The following SDK1 variants were observed in gnomAD, a reference collection of about 807,000 sequenced individuals.
SDK1 encodes sidekick cell adhesion molecule 1, also known as protein sidekick-1.
SDK1 carries 157 observed loss-of-function variants against 245.5 expected under a neutral mutation model. The observed-to-expected ratio is 0.64, with a 90% confidence interval of 0.56 to 0.73. The LOEUF (loss-of-function observed/expected upper bound fraction) is 0.73, where lower values mean the gene tolerates loss of function less well. Ranked by LOEUF, SDK1 falls within the 30% of genes least tolerant of loss-of-function variation. The pLI is 0.00. For missense variants in SDK1, 3,583 were observed against 3,002.3 expected, an observed-to-expected ratio of 1.19 and a Z score of -4.52; for synonymous variants, 1,647 against 1,278.5, an observed-to-expected ratio of 1.29 and a Z score of -6.15.
intron 17 of SDK1, among the ~76,000 whole-genome samples, chr7:4,019,382 T>C (rs79403629): frequency 6.6e-6 from 1 of 152,098 alleles, no homozygotes; most frequent in Non-Finnish European, 1.5e-5. Flanking sequence ...CAGTAGGACT[T>C]GAGATTTCAG....
chr7:4,227,040 G>A (rs1785489277), intron 40 of SDK1: 1 of 200,096 alleles, frequency 5.0e-6, no homozygotes, highest in Non-Finnish European at 1.0e-5. Flanking sequence ...CCGGAGGCCT[G>A]GACTGCTGTC....
intron 5 of SDK1, among the ~76,000 whole-genome samples, chr7:3,933,264 C>G (rs185375624): frequency 6.6e-5 from 10 of 151,750 alleles, no homozygotes; most frequent in African/African-American, 2.2e-4. Flanking sequence ...GCTTGCACCA[C>G]CACTCCCAGC....
intron 4 of SDK1, among the ~76,000 whole-genome samples, chr7:3,799,360 A>G (rs370698461): frequency 4.0e-5 from 6 of 151,476 alleles, no homozygotes; most frequent in Non-Finnish European, 5.9e-5. Flanking sequence ...GGCCCCTTCT[A>G]AGTTATTCAC....
chr7:3,852,770 AAAAAAAT>A lies in SDK1; in HGVS notation c.847+31188_847+31194del, dbSNP rs1355430080. ...CGTCTCAAAAAAAAAAAAAAAAAAA[AAAAAAAT>A]TTTTTTCCTTGAAATTTGCTTTTAA... On this transcript the variant is annotated intron_variant, in intron 5 of 44. Transcript: ENST00000404826. Among the ~76,000 whole-genome samples the A allele has an allele frequency of 9.3e-3, 1,412 of 151,108 alleles. 15 individuals carry two copies. The highest frequency in any genetic ancestry group is 0.016 in the Non-Finnish European group (1,065 of 67,690).
intron 4 of SDK1, among the ~76,000 whole-genome samples, chr7:3,656,504 G>A (rs545564126): frequency 2.0e-5 from 3 of 152,218 alleles, no homozygotes; most frequent in Non-Finnish European, 4.4e-5. Flanking sequence ...ACTCTAAGGG[G>A]GTACTGCTGG....
intron 1 of SDK1, among the ~76,000 whole-genome samples, chr7:3,583,066 G>T (rs1055855604): frequency 3.3e-5 from 5 of 152,214 alleles, no homozygotes; most frequent in African/African-American, 1.2e-4. Context: ...GTAGGGATGG[G>T]AGTAAAAGCA....
rs1047999924 is a variant in SDK1, at chr7:3,747,951, T to C, written c.714-73499T>C. 1.1e-4 allele frequency among the ~76,000 whole-genome samples: 16 copies of C among 152,084 alleles called. 1 individual carries two copies. Among genetic ancestry groups the C allele is most frequent in the Non-Finnish European group, 2.9e-5 (2 of 68,022 alleles). On this transcript the variant is annotated intron_variant, in intron 4 of 44. Transcript: ENST00000404826. Reference sequence around the variant, plus strand: ...AAATCTAAGATTTTAGCCAGGAAACTGATACGAAAAATAATGTTTTCAAGG... The same window carrying C: ...AAATCTAAGATTTTAGCCAGGAAACCGATACGAAAAATAATGTTTTCAAGG...
At position 4,068,274 on chromosome 7, in the gene SDK1, C is replaced by T. The variant is rs148723921; in HGVS notation, c.3010+338C>T. Among the ~76,000 whole-genome samples, 20 of 152,322 alleles carry T rather than the reference C, an allele frequency of 1.3e-4. No individual in the cohort carries two copies. In the East Asian group the frequency reaches 2.5e-3, roughly 19 times the overall value. On this transcript the variant is annotated intron_variant, in intron 20 of 44. Coordinates refer to ENST00000404826, the MANE Select transcript of SDK1 (RefSeq NM_152744.4). ...ACATGCGTGTGTCTTGCTTAATTCT[C>T]ATAGCAGCATGGTAAGGTCAATATC...
chr7:3,684,154 G>C (rs930201), intron 4 of SDK1, among the ~76,000 whole-genome samples: 125,377 of 152,188 alleles, frequency 0.82, 51,795 homozygotes, highest in Non-Finnish European at 0.85. Context: ...CCTGCAACCC[G>C]TGCAGTCTCA....
At chr7:3,451,406 A>C (rs1780510101) in intron 1 of SDK1, among the ~76,000 whole-genome samples, 1 of 152,040 alleles carries the variant, frequency 6.6e-6, no homozygotes, top group African/African-American at 2.4e-5. Flanking sequence ...TTGTTTGTGA[A>C]TTAAAGGGTA....
intron 32 of SDK1, among the ~76,000 whole-genome samples, chr7:4,172,774 G>A (rs1431318233): frequency 6.6e-6 from 1 of 152,042 alleles, no homozygotes; most frequent in Non-Finnish European, 1.5e-5. Flanking sequence ...GACAACTCTT[G>A]GCGTTTTTCA....
intron 5 of SDK1, among the ~76,000 whole-genome samples, chr7:3,884,348 C>T (rs1299376127): frequency 2.0e-5 from 3 of 152,006 alleles, no homozygotes; most frequent in Non-Finnish European, 2.9e-5. Flanking sequence ...TTGTGTCTGG[C>T]GCATAAAAGG....
chr7:3,751,017 G>C (rs1159758542), intron 4 of SDK1, among the ~76,000 whole-genome samples: 1 of 152,146 alleles, frequency 6.6e-6, no homozygotes, highest in East Asian at 1.9e-4. Flanking sequence ...CTTCCCAAGA[G>C]TGGGCCTGCC....
intron 22 of SDK1, among the ~76,000 whole-genome samples, chr7:4,102,799 C>T (rs575196867): frequency 3.9e-5 from 6 of 152,122 alleles, no homozygotes; most frequent in African/African-American, 9.7e-5. Flanking sequence ...GCTGGGGCTG[C>T]GTGGCGGGCG....
In SDK1 at chr7:4,145,921, G is replaced by A. The variant is rs1373689470; in HGVS notation, c.4423+5G>A. ...TCATCACCACCGAGAAGAGAGGTAA[G>A]ACCTTGGGGGACCCGGGGGTACTGC... On this transcript the variant is annotated splice_donor_5th_base_variant and intron_variant, in intron 29 of 44. Coordinates refer to ENST00000404826, the MANE Select transcript of SDK1 (RefSeq NM_152744.4). 2 of 1,593,262 alleles carry A rather than the reference G, an allele frequency of 1.3e-6. No individual in the cohort carries two copies.
chr7:3,946,737 C>T (rs547991348), intron 5 of SDK1, among the ~76,000 whole-genome samples: 3 of 152,204 alleles, frequency 2.0e-5, no homozygotes, highest in East Asian at 3.9e-4. Context: ...GTCCAGGGAA[C>T]GGCAGGTGTT....
At chr7:3,564,955 T>G (rs1409163332) in intron 1 of SDK1, among the ~76,000 whole-genome samples, 1 of 151,994 alleles carries the variant, frequency 6.6e-6, no homozygotes, top group Non-Finnish European at 1.5e-5. Flanking sequence ...GAGACAAATC[T>G]GGATTTCCAA....
chr7:4,206,301 C>A (rs1330426167), intron 36 of SDK1, among the ~76,000 whole-genome samples: 1 of 152,218 alleles, frequency 6.6e-6, no homozygotes, highest in Non-Finnish European at 1.5e-5. Context: ...GGCTGGGGAA[C>A]CCTTCCGTTT....
At chr7:3,433,383 G>GTATTT (rs750136858) in intron 1 of SDK1, among the ~76,000 whole-genome samples, 2 of 152,120 alleles carry the variant, frequency 1.3e-5, no homozygotes, top group African/African-American at 2.4e-5. Flanking sequence ...ATTTCCAGTA[G>GTATTT]TATTTTATTT....
Sources: gnomAD v4.1 joint callset for allele counts (sites outside exome capture counted in the v4.1 genomes callset) on GRCh38, gnomAD v4.1.1 for gene constraint, MANE v1.5 for transcripts, NCBI Gene and HGNC (gene_info 2026-07-23, HGNC 2026-07-21) for gene names.